Variants in GPC5 observed in about 807,000 individuals in gnomAD.
GPC5 encodes glypican 5, also known as glypican-5.
GPC5 carries 47 observed loss-of-function variants against 53.9 expected under a neutral mutation model. The ratio of observed to expected loss-of-function variants is 0.87; its 90% confidence interval spans 0.69 to 1.11. The LOEUF is 1.11. Ranked by LOEUF, GPC5 falls within the 50% of genes most tolerant of loss-of-function variation. GPC5 has a pLI of 0.00. For synonymous variants in GPC5, 286 were observed against 263.3 expected, an observed-to-expected ratio of 1.09 and a Z score of -0.84; for missense variants, 748 against 713.1, an observed-to-expected ratio of 1.05 and a Z score of -0.56.
At chr13:91,467,877 G>T (rs1882348006) in intron 2 of GPC5, among the ~76,000 whole-genome samples, 1 of 152,060 alleles carries the variant, frequency 6.6e-6, no homozygotes, top group Non-Finnish European at 1.5e-5. Flanking sequence ...GTTTTAGTTT[G>T]CAATTTTACT....
In GPC5 at chr13:92,070,804, A is replaced by G. The variant is rs371533524; in HGVS notation, c.1402-74026A>G. ...TACTATTCATTGATTTTATCCTTCTATTTATAGTTATTTTCTTACTGAGGT... is the reference window on the plus strand; with the variant it reads ...TACTATTCATTGATTTTATCCTTCTGTTTATAGTTATTTTCTTACTGAGGT... On this transcript the variant is annotated intron_variant, in intron 6 of 7. Transcript: ENST00000377067. Among the ~76,000 whole-genome samples, 9 of 152,092 alleles carry G rather than the reference A, an allele frequency of 5.9e-5. No homozygotes were observed. In the East Asian group the frequency reaches 1.5e-3, roughly 26 times the overall value.
intron 7 of GPC5, among the ~76,000 whole-genome samples, chr13:92,271,696 G>A (rs2042841013): frequency 6.6e-6 from 1 of 152,118 alleles, no homozygotes; most frequent in African/African-American, 2.4e-5. Context: ...AAGCTGGAGA[G>A]GAGAAAGGAG....
chr13:91,972,087 T>C (rs1443073277), intron 6 of GPC5, among the ~76,000 whole-genome samples: 1 of 152,178 alleles, frequency 6.6e-6, no homozygotes, highest in Admixed American at 6.5e-5. Context: ...CCCATTATTA[T>C]TGTGTTGGAG....
intron 7 of GPC5, among the ~76,000 whole-genome samples, chr13:92,497,573 T>C (rs1038690736): frequency 6.6e-6 from 1 of 152,204 alleles, no homozygotes; most frequent in Admixed American, 6.5e-5. Context: ...CTTAGGCTTG[T>C]GTTGGCTACA....
chr13:92,600,609 T>A (rs968639190), intron 7 of GPC5, among the ~76,000 whole-genome samples: 5 of 151,534 alleles, frequency 3.3e-5, no homozygotes, highest in African/African-American at 1.2e-4. Flanking sequence ...GTGAATCTCC[T>A]GCCTCAGCCT....
At chr13:92,231,312 A>G (rs540223570) in intron 7 of GPC5, among the ~76,000 whole-genome samples, 37 of 152,302 alleles carry the variant, frequency 2.4e-4, no homozygotes, top group Non-Finnish European at 4.3e-4. Flanking sequence ...GCTTCTCCAC[A>G]GTGCATGTTA....
intron 6 of GPC5, among the ~76,000 whole-genome samples, chr13:92,000,949 C>T (rs1391958390): frequency 6.6e-6 from 1 of 152,144 alleles, no homozygotes; most frequent in Non-Finnish European, 1.5e-5. Context: ...GTAACAGCCA[C>T]ACAGTGTTGA....
chr13:91,533,699 A>G (rs1886457849), intron 2 of GPC5, among the ~76,000 whole-genome samples: 1 of 152,210 alleles, frequency 6.6e-6, no homozygotes, highest in Admixed American at 6.5e-5. Flanking sequence ...GCAAAACTTA[A>G]ACAGGTCTGT....
intron 5 of GPC5, among the ~76,000 whole-genome samples, chr13:91,825,813 G>A (rs2038567418): frequency 6.6e-6 from 1 of 151,938 alleles, no homozygotes; most frequent in Admixed American, 6.6e-5. Flanking sequence ...AAATGAAAGA[G>A]GAATTTAATA....
intron 6 of GPC5, among the ~76,000 whole-genome samples, chr13:91,919,049 C>T (rs2039685902): frequency 1.3e-5 from 2 of 152,132 alleles, no homozygotes; most frequent in African/African-American, 2.4e-5. Flanking sequence ...ATCCTAATTA[C>T]TTCTCCCTTC....
chr13:91,973,362 A>G (rs1243888923), intron 6 of GPC5, among the ~76,000 whole-genome samples: 2 of 152,062 alleles, frequency 1.3e-5, no homozygotes, highest in Non-Finnish European at 2.9e-5. Context: ...CTAGTCATCC[A>G]TTCGTCTAAT....
chr13:92,186,085 G>A (rs901449136), intron 7 of GPC5, among the ~76,000 whole-genome samples: 21 of 152,032 alleles, frequency 1.4e-4, no homozygotes, highest in Non-Finnish European at 3.1e-4. Context: ...GAACTCAGAG[G>A]CAGTTATATT....
chr13:91,902,302 A>T (rs2039505570), intron 5 of GPC5, among the ~76,000 whole-genome samples: 1 of 152,038 alleles, frequency 6.6e-6, no homozygotes, highest in Non-Finnish European at 1.5e-5. Context: ...TGCTGTATAT[A>T]AATTTATTAC....
At chr13:91,881,505 T>G (rs2039263403) in intron 5 of GPC5, among the ~76,000 whole-genome samples, 1 of 152,194 alleles carries the variant, frequency 6.6e-6, no homozygotes, top group Non-Finnish European at 1.5e-5. Context: ...AGATGATACA[T>G]GGGTCTTTAA....
intron 6 of GPC5, among the ~76,000 whole-genome samples, chr13:91,940,433 T>A (rs2039915697): frequency 6.6e-6 from 1 of 152,188 alleles, no homozygotes; most frequent in Non-Finnish European, 1.5e-5. Context: ...TTTGCTATTG[T>A]GAATAGTGCT....
intron 6 of GPC5, among the ~76,000 whole-genome samples, chr13:91,992,356 C>G (rs187449019): frequency 1.3e-4 from 20 of 152,070 alleles, no homozygotes; most frequent in Admixed American, 1.0e-3. Context: ...TATTATTCTA[C>G]CAGTAGCCAG....
intron 7 of GPC5, among the ~76,000 whole-genome samples, chr13:92,512,083 G>A (rs936529158): frequency 3.9e-5 from 6 of 152,102 alleles, no homozygotes; most frequent in Admixed American, 3.9e-4. Flanking sequence ...AGTTTATCCT[G>A]TTTTCAATAG....
rs560681425 is a variant in GPC5, at chr13:91,881,042, C to T, written c.1281-26895C>T. On this transcript the variant is annotated intron_variant, in intron 5 of 7. Coordinates refer to ENST00000377067, the MANE Select transcript of GPC5 (RefSeq NM_004466.6). ...CTGAACTCAGGTGATCTGCCCGCTT[C>T]GGCCTCCCAAAATGCGGGGATTACA... is the stretch of plus-strand genomic sequence containing the variant. Among the ~76,000 whole-genome samples, 54 of 152,222 alleles carry T rather than the reference C, an allele frequency of 3.5e-4. 1 individual carries two copies. In the East Asian group the frequency reaches 6.0e-3, roughly 17 times the overall value.
intron 7 of GPC5, among the ~76,000 whole-genome samples, chr13:92,324,975 CA>C (rs2043240797): frequency 1.3e-5 from 2 of 151,746 alleles, no homozygotes; most frequent in South Asian, 4.1e-4. Flanking sequence ...ATGATTACAT[CA>C]TTTAATTTGC....
Sources: allele counts gnomAD v4.1 joint callset (sites outside exome capture counted in the v4.1 genomes callset), GRCh38; gene constraint gnomAD v4.1.1; transcripts MANE v1.5; gene names NCBI Gene and HGNC (gene_info 2026-07-23, HGNC 2026-07-21).